CYB5R4: variants seen among roughly 807,000 people sequenced by gnomAD.
CYB5R4 encodes the protein cytochrome b5 reductase 4, also known as N-terminal cytochrome b5 and cytochrome b5 oxidoreductase domain-containing protein.
CYB5R4 carries 55 observed loss-of-function variants against 70.2 expected under a neutral mutation model. That is an observed-to-expected ratio of 0.78 (90% confidence interval 0.63 to 0.98). The LOEUF is 0.98. Among genes scored for constraint, CYB5R4 ranks in the 50% least tolerant of loss-of-function variants. The pLI, the probability that CYB5R4 is intolerant of heterozygous loss-of-function variation, is 0.00. For missense variants in CYB5R4, 562 were observed against 612.6 expected (o/e 0.92, Z 0.87); for synonymous variants, 197 against 199.5 (o/e 0.99, Z 0.11).
chr6:83,922,899 C>T lies in CYB5R4; in HGVS notation c.691+429C>T, dbSNP rs193260730. ...TGCCTCTCAGGCTGAAGTGATCCTC[C>T]CGTCTCAGCCTCCTGAGTAGTTGAG... On this transcript the variant is annotated intron_variant, in intron 9 of 15. Transcript: ENST00000369681. Among the ~76,000 whole-genome samples the T allele has an allele frequency of 2.2e-3, 335 of 152,174 alleles. 4 individuals are homozygous for T. Among genetic ancestry groups the T allele is most frequent in the Non-Finnish European group, 7.4e-4 (50 of 67,994 alleles).
intron 2 of CYB5R4, among the ~76,000 whole-genome samples, chr6:83,868,342 G>C (rs975300744): frequency 6.6e-6 from 1 of 152,136 alleles, no homozygotes; most frequent in Admixed American, 6.6e-5. Context: ...ATATTTTGGG[G>C]ACTGTTTTCT....
intron 10 of CYB5R4, among the ~76,000 whole-genome samples, chr6:83,931,744 C>G (rs2099468162): frequency 6.6e-6 from 1 of 151,324 alleles, no homozygotes; most frequent in Admixed American, 6.6e-5. Context: ...TGGCATTGTG[C>G]AGGCTGAAGT....
chr6:83,924,169 A>G (rs906618729), intron 9 of CYB5R4, among the ~76,000 whole-genome samples: 1 of 38,782 alleles, frequency 2.6e-5, no homozygotes, highest in Non-Finnish European at 5.3e-5. Flanking sequence ...TGTTAGCTTT[A>G]TGTCAATTAG....
intron 3 of CYB5R4, among the ~76,000 whole-genome samples, chr6:83,901,092 T>C (rs2099462873): frequency 6.6e-6 from 1 of 152,240 alleles, no homozygotes; most frequent in African/African-American, 2.4e-5. Flanking sequence ...GTTTTTGCAG[T>C]GGCTGGTGCC....
chr6:83,860,660 T>G (rs2099455791), intron 1 of CYB5R4, among the ~76,000 whole-genome samples: 1 of 152,238 alleles, frequency 6.6e-6, no homozygotes, highest in South Asian at 2.1e-4. Context: ...CCACTTAACT[T>G]GGGCCACTCG....
chr6:83,891,480 TAAGG>T, intron 2 of CYB5R4, among the ~76,000 whole-genome samples: 1 of 152,056 alleles, frequency 6.6e-6, no homozygotes, highest in Admixed American at 6.6e-5. Flanking sequence ...AAAAGGGAGA[TAAGG>T]AAGGAGAGAA....
chr6:83,919,558 A>G, intron 7 of CYB5R4, 104 bp downstream of exon 7: 1 of 513,494 alleles, frequency 1.9e-6, no homozygotes, highest in Middle Eastern at 3.8e-4. Flanking sequence ...TCTCACTATA[A>G]TTCTTTGAGG....
In CYB5R4 at chr6:83,961,981, C is replaced by T. The variant is rs777800881; in HGVS notation, c.*2103C>T. 1 of 151,418 alleles carries T rather than the reference C, an allele frequency of 6.6e-6. No individual in the cohort carries two copies. The highest frequency in any genetic ancestry group is 1.5e-5 in the Non-Finnish European group (1 of 67,884). The allele number at this position is 151,418 out of a possible 1,614,324, so 9.4% of individuals were successfully genotyped here. On this transcript the variant is annotated 3_prime_UTR_variant, in exon 16 of 16. Transcript: ENST00000369681. The stretch of plus-strand genomic sequence containing the variant: ...TTTAAAACAAATCCATAAGTGTCTC[C>T]TGGGTAATCTCCACTGACATGATTT...
chr6:83,937,776 C>G (rs1023132698), intron 12 of CYB5R4, among the ~76,000 whole-genome samples: 3 of 152,216 alleles, frequency 2.0e-5, no homozygotes, highest in Non-Finnish European at 4.4e-5. Context: ...GCCTTGGCCT[C>G]CCAAAGTGCT....
At chr6:83,935,109 T>A (rs2099468725) in intron 11 of CYB5R4, among the ~76,000 whole-genome samples, 1 of 152,236 alleles carries the variant, frequency 6.6e-6, no homozygotes, top group Non-Finnish European at 1.5e-5. Context: ...GTATCATTTA[T>A]GAAGTTGAAT....
rs528328338 is a variant in CYB5R4, at chr6:83,882,594, A to G, written c.230-10928A>G. Among the ~76,000 whole-genome samples the G allele has an allele frequency of 2.9e-4, 44 of 152,316 alleles. 3 individuals carry two copies. The South Asian group carries it at 7.9e-3, about 27-fold the overall frequency. ...ACTAGATATACTCAAGAGAAAAGGC[A>G]GTTATTGGAGTCTGACTCTGAGATG... On this transcript the variant is annotated intron_variant, in intron 2 of 15. Coordinates refer to ENST00000369681, the MANE Select transcript of CYB5R4 (RefSeq NM_016230.4).
chr6:83,933,818 G>A (rs1392517567), intron 10 of CYB5R4, among the ~76,000 whole-genome samples: 1 of 151,952 alleles, frequency 6.6e-6, no homozygotes, highest in Non-Finnish European at 1.5e-5. Context: ...TTATCTATTT[G>A]TATGTTAGTA....
chr6:83,927,697 A>G (rs1245196642), intron 10 of CYB5R4, among the ~76,000 whole-genome samples: 1 of 152,226 alleles, frequency 6.6e-6, no homozygotes, highest in African/African-American at 2.4e-5. Flanking sequence ...TCATGTGTTC[A>G]GCTTTCCACA....
intron 4 of CYB5R4, among the ~76,000 whole-genome samples, chr6:83,911,712 C>G (rs1433021966): frequency 6.6e-6 from 1 of 151,960 alleles, no homozygotes; most frequent in African/African-American, 2.4e-5. Flanking sequence ...TCAATAACAC[C>G]TCCTGTATAC....
chr6:83,898,637 C>T (rs1161107337), intron 3 of CYB5R4, among the ~76,000 whole-genome samples: 1 of 152,228 alleles, frequency 6.6e-6, no homozygotes, highest in Non-Finnish European at 1.5e-5. Context: ...TCTTTTATTG[C>T]GTTGAGCAGT....
chr6:83,914,709 G>A (rs1031777877), intron 5 of CYB5R4, among the ~76,000 whole-genome samples: 3 of 151,884 alleles, frequency 2.0e-5, no homozygotes, highest in Admixed American at 2.0e-4. Context: ...GCTAATTTTT[G>A]TATTTTTAGT....
intron 5 of CYB5R4, among the ~76,000 whole-genome samples, chr6:83,917,338 T>G (rs1440313813): frequency 1.3e-5 from 2 of 152,082 alleles, no homozygotes; most frequent in East Asian, 3.9e-4. Context: ...CAGTAGTATC[T>G]TCTAAAGCTA....
At chr6:83,860,904 TG>T (rs1193805162) in intron 1 of CYB5R4, among the ~76,000 whole-genome samples, 1 of 152,232 alleles carries the variant, frequency 6.6e-6, no homozygotes, top group Non-Finnish European at 1.5e-5. Flanking sequence ...AAGCTTTTAT[TG>T]TCTCTATTTC....
chr6:83,954,564 C>T (rs773002151), intron 14 of CYB5R4, among the ~76,000 whole-genome samples: 1 of 151,990 alleles, frequency 6.6e-6, no homozygotes, highest in Non-Finnish European at 1.5e-5. Flanking sequence ...CCTTTTGGAG[C>T]CCCCAGTGTC....
Sources: gnomAD v4.1 joint callset for allele counts (sites outside exome capture counted in the v4.1 genomes callset) on GRCh38, gnomAD v4.1.1 for gene constraint, MANE v1.5 for transcripts, NCBI Gene and HGNC (gene_info 2026-07-23, HGNC 2026-07-21) for gene names.